Variants in CASK observed in about 807,000 individuals in gnomAD.
The protein encoded by CASK is peripheral plasma membrane protein CASK.
CASK carries 4 observed loss-of-function variants against 82.9 expected under a neutral mutation model. The ratio of observed to expected loss-of-function variants is 0.05; its 90% CI spans 0.02 to 0.11. The LOEUF (loss-of-function observed/expected upper bound fraction) is 0.11, where lower values mean the gene tolerates loss of function less well. Ranked by LOEUF, CASK falls within the 10% of genes least tolerant of loss-of-function variation. The pLI, the probability that CASK is intolerant of heterozygous loss-of-function variation, is 1.00. For synonymous variants in CASK, 259 were observed against 253.5 expected (o/e 1.02, Z -0.20); for missense variants, 358 against 720.9 (o/e 0.50, Z 5.76).
chrX:41,871,816 G>A (rs772813536), intron 1 of CASK, among the ~76,000 whole-genome samples: 25 of 111,937 alleles, frequency 2.2e-4, no homozygotes, highest in African/African-American at 6.8e-4. Context: ...TAGACCTTGG[G>A]GTTTCCAGAG....
chrX:41,589,947 C>T (rs1602311129), intron 12 of CASK: 4 of 202,477 alleles, frequency 2.0e-5, no homozygotes, highest in Non-Finnish European at 3.7e-5. Context: ...AGAATGCTTT[C>T]TGGCCAAGGC....
rs373604467 is a variant in CASK, at chrX:41,591,482, G to GTT, written c.1156-1892_1156-1891dup. Among the ~76,000 whole-genome samples the GTT allele has an allele frequency of 7.4e-3, 765 of 103,880 alleles. 12 individuals are homozygous for GTT. Among genetic ancestry groups the GTT allele is most frequent in the African/African-American group, 0.026 (730 of 28,562 alleles). The allele number at this position is 103,880 out of a possible 115,157, so 90.2% of individuals were successfully genotyped here. On this transcript the variant is annotated intron_variant, in intron 12 of 26. Transcript: ENST00000378163. ...TTAACAATACTGTATTGTGCACTTT[G>GTT]TTTTTTTTTTGAGGCGGAGTCTCGC...
intron 2 of CASK, among the ~76,000 whole-genome samples, chrX:41,808,266 C>A (rs2070174404): frequency 2.7e-5 from 3 of 111,791 alleles, no homozygotes; most frequent in Admixed American, 9.5e-5. Context: ...ATAAGCAAGG[C>A]CTTGGCAGTT....
intron 8 of CASK, among the ~76,000 whole-genome samples, chrX:41,646,737 A>G (rs1403567281): frequency 1.8e-5 from 2 of 111,649 alleles, no homozygotes; most frequent in Admixed American, 1.9e-4. Context: ...CTCCTTACAC[A>G]CTGTTAGTAG....
Position 41,519,445 on chromosome X carries a change from T to C in CASK, c.*975A>G, listed in dbSNP as rs2064604569. ...CTTTGCTTAATTAAAACGTTAATAC[T>C]CTTAGACAACACAGATCTGAAATGG... On this transcript the variant is annotated 3_prime_UTR_variant, in exon 27 of 27. Transcript: ENST00000378163. 1 of 111,794 alleles carries C rather than the reference T, an allele frequency of 8.9e-6. No individual in the cohort carries two copies. Among genetic ancestry groups the C allele is most frequent in the Non-Finnish European group, 1.9e-5 (1 of 53,200 alleles). The allele number at this position is 111,794 out of a possible 1,213,427, so 9.2% of individuals were successfully genotyped here. A position where few individuals can be genotyped will look rare whatever the true frequency, so the allele number is the denominator to read the frequency against.
intron 26 of CASK, chrX:41,522,115 T>C (rs1050787534): frequency 1.8e-5 from 2 of 111,568 alleles, no homozygotes; most frequent in Middle Eastern, 4.6e-3. Context: ...CCTCCCCTCC[T>C]CTCCTCTTCT....
chrX:41,807,959 G>A (rs762206069), intron 2 of CASK, among the ~76,000 whole-genome samples: 2 of 111,484 alleles, frequency 1.8e-5, no homozygotes, highest in Non-Finnish European at 3.8e-5. Context: ...AGGTTCAAGC[G>A]ATTCTCCTGC....
chrX:41,640,972 CTCG>C (rs1307641791), intron 8 of CASK, among the ~76,000 whole-genome samples: 1 of 95,933 alleles, frequency 1.0e-5, no homozygotes, highest in African/African-American at 3.8e-5. Context: ...GTTAAGGTAT[CTCG>C]TCTTTTTTTT....
chrX:41,619,163 G>A (rs532431895), intron 11 of CASK, among the ~76,000 whole-genome samples: 126 of 111,178 alleles, frequency 1.1e-3, no homozygotes, highest in African/African-American at 3.9e-3. Context: ...ACCATATAAG[G>A]TTTTTTCCTA....
intron 1 of CASK, among the ~76,000 whole-genome samples, chrX:41,915,094 T>C (rs978525729): frequency 9.0e-6 from 1 of 111,603 alleles, no homozygotes; most frequent in Non-Finnish European, 1.9e-5. Context: ...TGCAGCCCAT[T>C]ATCCTGATTC....
chrX:41,645,498 A>G, intron 8 of CASK, among the ~76,000 whole-genome samples: 2 of 111,176 alleles, frequency 1.8e-5, no homozygotes, highest in Middle Eastern at 9.2e-3. Context: ...CTTCAGGTGA[A>G]TACTGACAAT....
intron 5 of CASK, among the ~76,000 whole-genome samples, chrX:41,738,589 C>G (rs952295820): frequency 3.6e-5 from 4 of 112,068 alleles, no homozygotes; most frequent in Non-Finnish European, 3.8e-5. Flanking sequence ...TTAAATACAT[C>G]GAAGAAGCCA....
At position 41,923,125 on chromosome X, in the gene CASK, T is replaced by A. The variant is rs1266381139; in HGVS notation, c.-137A>T. ...GCCCTCGGTGCCGAGGACGCTCGAG[T>A]GGGGCCGCGAGGCCCAGAGACTGCG... On this transcript the variant is annotated 5_prime_UTR_variant, in exon 1 of 27. Transcript: ENST00000378163. 2 of 469,481 alleles carry A rather than the reference T, an allele frequency of 4.3e-6. No individual in the cohort carries two copies. Among genetic ancestry groups the A allele is most frequent in the Admixed American group, 7.3e-5 (2 of 27,333 alleles). 38.7% of individuals were successfully genotyped at this position (469,481 alleles called of 1,213,427 possible). A position where few individuals can be genotyped will look rare whatever the true frequency, so the allele number is the denominator to read the frequency against.
chrX:41,909,463 A>T (rs1420034896), intron 1 of CASK, among the ~76,000 whole-genome samples: 2 of 112,379 alleles, frequency 1.8e-5, no homozygotes, highest in African/African-American at 6.5e-5. Context: ...TCTTTATGCA[A>T]TATTTTCACC....
At chrX:41,854,029 A>G (rs1416252613) in intron 1 of CASK, among the ~76,000 whole-genome samples, 1 of 111,914 alleles carries the variant, frequency 8.9e-6, no homozygotes, top group Non-Finnish European at 1.9e-5. Flanking sequence ...ACCTGAAATC[A>G]CAGAGAAATC....
intron 2 of CASK, among the ~76,000 whole-genome samples, chrX:41,791,580 G>A (rs907050322): frequency 2.8e-5 from 3 of 108,942 alleles, no homozygotes; most frequent in Admixed American, 9.9e-5. Context: ...AAAATTAGCC[G>A]GGTGTAGTGA....
chrX:41,517,778 G>A lies in CASK; in HGVS notation c.*2642C>T. ...CAATTGTAATGTAGCAGTAGCAGCAGCAGCAGCAGCAGCAGCAGCAGCAGC... is the reference window on the plus strand; with the variant it reads ...CAATTGTAATGTAGCAGTAGCAGCAACAGCAGCAGCAGCAGCAGCAGCAGC... On this transcript the variant is annotated 3_prime_UTR_variant, in exon 27 of 27. Coordinates refer to ENST00000378163, the MANE Select transcript of CASK (RefSeq NM_001367721.1). 2 of 645,751 alleles carry A rather than the reference G, an allele frequency of 3.1e-6. No homozygotes were observed. Among genetic ancestry groups the A allele is most frequent in the Non-Finnish European group, 4.5e-6 (2 of 440,333 alleles). 53.2% of individuals were successfully genotyped at this position (645,751 alleles called of 1,213,427 possible). A position where few individuals can be genotyped will look rare whatever the true frequency, so the allele number is the denominator to read the frequency against.
chrX:41,693,311 C>T (rs762446094), intron 5 of CASK, among the ~76,000 whole-genome samples: 100 of 111,368 alleles, frequency 9.0e-4, no homozygotes, highest in Non-Finnish European at 1.6e-3. Flanking sequence ...TTGCCCTTTC[C>T]TTTTAGAATC....
intron 5 of CASK, among the ~76,000 whole-genome samples, chrX:41,733,496 C>T (rs1164446259): frequency 3.6e-5 from 4 of 111,196 alleles, no homozygotes; most frequent in Non-Finnish European, 7.5e-5. Flanking sequence ...CGCCTGTAAT[C>T]CCAGCACTTT....
Sources: gnomAD v4.1 joint callset for allele counts (sites outside exome capture counted in the v4.1 genomes callset) on GRCh38, gnomAD v4.1.1 for gene constraint, MANE v1.5 for transcripts, NCBI Gene and HGNC (gene_info 2026-07-23, HGNC 2026-07-21) for gene names.